The following TTBK2 variants were observed in gnomAD, a reference collection of about 807,000 sequenced individuals.
TTBK2 encodes the protein tau tubulin kinase 2.
In TTBK2, 28 loss-of-function variants were observed where a neutral mutation model predicts 110.8. The ratio of observed to expected loss-of-function variants is 0.25; its 90% CI spans 0.19 to 0.35. The LOEUF (loss-of-function observed/expected upper bound fraction) is 0.35, where lower values mean the gene tolerates loss of function less well. Among genes scored for constraint, TTBK2 ranks in the 10% least tolerant of loss-of-function variants. TTBK2 has a pLI of 1.00. For missense variants in TTBK2, 1,369 were observed against 1,500.3 expected, an observed-to-expected ratio of 0.91 and a Z score of 1.45; for synonymous variants, 532 against 527.3, an observed-to-expected ratio of 1.01 and a Z score of -0.12.
intron 1 of TTBK2, among the ~76,000 whole-genome samples, chr15:42,917,288 T>C (rs1235164924): frequency 6.6e-6 from 1 of 152,026 alleles, no homozygotes; most frequent in Admixed American, 6.5e-5. Flanking sequence ...GTAAGTACTA[T>C]ATGTTCACTT....
chr15:42,752,330 T>G lies in TTBK2; in HGVS notation c.2916A>C (p.Lys972Asn). ...VSAKEKLLQK[K>N]AYQPDLVKLL... Reference sequence around the variant, plus strand: ...GCTTGACTAGGTCTGGCTGATAGGCTTTCTTTTGGAGGAGCTTTTCTTTTG... The same window carrying G: ...GCTTGACTAGGTCTGGCTGATAGGCGTTCTTTTGGAGGAGCTTTTCTTTTG... The change falls in exon 14 of 15, where the codon AAA becomes AAC. Residue 972 changes from lysine to asparagine, a missense_variant. Physicochemically the swap from Lys to Asn is moderately conservative, Grantham distance 94. Coordinates refer to ENST00000267890, the MANE Select transcript of TTBK2 (RefSeq NM_173500.4). 2 of 1,614,228 alleles carry G rather than the reference T, an allele frequency of 1.2e-6. No homozygotes were observed. Among genetic ancestry groups the G allele is most frequent in the Non-Finnish European group, 1.7e-6 (2 of 1,180,038 alleles).
chr15:42,862,220 C>G (rs927173587), intron 3 of TTBK2, among the ~76,000 whole-genome samples: 2 of 152,114 alleles, frequency 1.3e-5, no homozygotes, highest in African/African-American at 4.8e-5. Flanking sequence ...AGTGGCTCCT[C>G]CCTAATTCAT....
At chr15:42,770,268 T>C (rs1224958040) in intron 13 of TTBK2, among the ~76,000 whole-genome samples, 1 of 152,040 alleles carries the variant, frequency 6.6e-6, no homozygotes, top group Admixed American at 6.6e-5. Context: ...AAAGACAACT[T>C]AGGGATAAAT....
intron 1 of TTBK2, among the ~76,000 whole-genome samples, chr15:42,882,449 T>A (rs532689169): frequency 1.3e-4 from 19 of 147,572 alleles, no homozygotes; most frequent in Non-Finnish European, 2.7e-4. Context: ...AAATACAAAA[T>A]ATATATATAT....
intron 1 of TTBK2, among the ~76,000 whole-genome samples, chr15:42,893,223 G>A (rs1432404350): frequency 6.6e-6 from 1 of 152,130 alleles, no homozygotes; most frequent in Admixed American, 6.5e-5. Context: ...GAGGCCAGGT[G>A]CAGTGACTTA....
intron 9 of TTBK2, chr15:42,802,356 G>C (rs752256134): frequency 1.3e-6 from 1 of 768,870 alleles, no homozygotes; most frequent in East Asian, 2.5e-5. Context: ...TAAAGGCCTG[G>C]GGGCCAGAGG....
At position 42,872,702 on chromosome 15, in the gene TTBK2, G is replaced by A. The variant is rs775069067; in HGVS notation, c.126C>T (p.Leu42=). Residue 42 remains leucine (L), a synonymous_variant, in exon 3 of 15, where the codon CTC becomes CTT. Coordinates refer to ENST00000267890, the MANE Select transcript of TTBK2 (RefSeq NM_173500.4). ...CCTTCAGTGCAACATTTTCCCTGGT[G>A]AGCATGTCCAAGGCATCGTAAATTT... is the stretch of plus-strand genomic sequence containing the variant. The part of the protein sequence containing the change: ...FGEIYDALDM[L]TRENVALKVE... 5.6e-6 allele frequency: 9 copies of A among 1,613,898 alleles called. No individual in the cohort carries two copies. Among genetic ancestry groups the A allele is most frequent in the South Asian group, 1.1e-5 (1 of 91,068 alleles).
intron 1 of TTBK2, among the ~76,000 whole-genome samples, chr15:42,882,136 A>C (rs1413142043): frequency 6.6e-6 from 1 of 152,108 alleles, no homozygotes; most frequent in African/African-American, 2.4e-5. Flanking sequence ...GACAGAAAAA[A>C]ATAAAAAATA....
chr15:42,816,089 T>C (rs181473329), intron 7 of TTBK2, among the ~76,000 whole-genome samples: 1 of 85,896 alleles, frequency 1.2e-5, no homozygotes, highest in Non-Finnish European at 2.0e-5. Flanking sequence ...TAAATAAATA[T>C]ATATATATAT....
At chr15:42,841,359 G>A (rs1893212552) in intron 3 of TTBK2, among the ~76,000 whole-genome samples, 1 of 152,086 alleles carries the variant, frequency 6.6e-6, no homozygotes. Flanking sequence ...AGAGGTGTGT[G>A]CCACCACACC....
At chr15:42,816,077 AATAAATAAATATATATATATAT>A (rs1229418134) in intron 7 of TTBK2, among the ~76,000 whole-genome samples, 1 of 63,098 alleles carries the variant, frequency 1.6e-5, no homozygotes, top group Non-Finnish European at 2.4e-5. Flanking sequence ...TATAAAAATA[AATAAATAAATATATATATATAT>A]ATATATATAT....
intron 11 of TTBK2, among the ~76,000 whole-genome samples, chr15:42,779,168 G>A (rs979394533): frequency 1.3e-5 from 2 of 152,192 alleles, no homozygotes; most frequent in Non-Finnish European, 2.9e-5. Flanking sequence ...CACTTTGGGA[G>A]GGAGGTGGGT....
intron 4 of TTBK2, among the ~76,000 whole-genome samples, chr15:42,836,439 T>C (rs1007291224): frequency 5.9e-5 from 9 of 152,222 alleles, no homozygotes; most frequent in African/African-American, 2.2e-4. Flanking sequence ...CTAGCGGTTA[T>C]ACCAGCTTTA....
At position 42,741,568 on chromosome 15, in the gene TTBK2, G is replaced by A. The variant is rs556833829; in HGVS notation, c.*4227C>T. On this transcript the variant is annotated 3_prime_UTR_variant, in exon 15 of 15. Coordinates refer to ENST00000267890, the MANE Select transcript of TTBK2 (RefSeq NM_173500.4). ...CAAAGTCCCGACACATCTGTGGTAAGTGCACATAAACAGAAATGGGCAGAT... is the reference window on the plus strand; with the variant it reads ...CAAAGTCCCGACACATCTGTGGTAAATGCACATAAACAGAAATGGGCAGAT... 3 of 152,310 alleles carry A rather than the reference G, an allele frequency of 2.0e-5. No homozygotes were observed. The East Asian group carries it at 5.8e-4, about 29-fold the overall frequency. 9.4% of individuals were successfully genotyped at this position (152,310 alleles called of 1,614,324 possible). A position where few individuals can be genotyped will look rare whatever the true frequency, so the allele number is the denominator to read the frequency against.
At chr15:42,884,314 TTAA>T (rs1242813802) in intron 1 of TTBK2, among the ~76,000 whole-genome samples, 1 of 152,206 alleles carries the variant, frequency 6.6e-6, no homozygotes, top group Non-Finnish European at 1.5e-5. Context: ...GTGGCTTATA[TTAA>T]TAATAAGAAA....
chr15:42,872,539 G>T, intron 3 of TTBK2, 72 bp downstream of exon 3: 16 of 1,541,948 alleles, frequency 1.0e-5, no homozygotes, highest in Non-Finnish European at 1.4e-5. Flanking sequence ...ATGTAATTAA[G>T]GTTCAGGAAG....
intron 10 of TTBK2, among the ~76,000 whole-genome samples, chr15:42,792,314 T>A (rs1025336971): frequency 2.0e-5 from 3 of 152,250 alleles, no homozygotes; most frequent in African/African-American, 7.2e-5. Flanking sequence ...TATATATGTA[T>A]AATTATTGTG....
chr15:42,837,835 G>A (rs1893055028), intron 4 of TTBK2, among the ~76,000 whole-genome samples: 1 of 152,074 alleles, frequency 6.6e-6, no homozygotes, highest in African/African-American at 2.4e-5. Context: ...AACAAGAAAA[G>A]CCTCCTGATG....
chr15:42,918,352 G>GT (rs536657969), intron 1 of TTBK2, among the ~76,000 whole-genome samples: 83 of 147,202 alleles, frequency 5.6e-4, no homozygotes, highest in South Asian at 1.3e-3. Context: ...CAGGCATGAG[G>GT]TTTTTTTTTT....
Sources: allele counts gnomAD v4.1 joint callset (sites outside exome capture counted in the v4.1 genomes callset), GRCh38; gene constraint gnomAD v4.1.1; transcripts MANE v1.5; gene names NCBI Gene and HGNC (gene_info 2026-07-23, HGNC 2026-07-21).